The following PRMT8 variants were observed in gnomAD, a reference collection of about 807,000 sequenced individuals.
The protein encoded by PRMT8 is protein arginine methyltransferase 8, also known as protein arginine N-methyltransferase 8.
PRMT8 carries 7 observed loss-of-function variants against 47.1 expected under a neutral mutation model. That is an observed-to-expected ratio of 0.15 (90% CI 0.08 to 0.28). The LOEUF (loss-of-function observed/expected upper bound fraction) is 0.28. Ranked by LOEUF, PRMT8 falls within the 10% of genes least tolerant of loss-of-function variation. The pLI, the probability that PRMT8 is intolerant of heterozygous loss-of-function variation, is 1.00. For synonymous variants in PRMT8, 188 were observed against 186.5 expected (o/e 1.01, Z -0.07); for missense variants, 237 against 505.4 (o/e 0.47, Z 5.09).
intron 1 of PRMT8, among the ~76,000 whole-genome samples, chr12:3,527,868 G>C (rs1865970559): frequency 6.6e-6 from 1 of 152,030 alleles, no homozygotes; most frequent in African/African-American, 2.4e-5. Context: ...GTCTCTAAAA[G>C]ACTTTACTTT....
chr12:3,389,463 T>TTTCC (rs1195675567), intron 1 of PRMT8, among the ~76,000 whole-genome samples: 6 of 152,184 alleles, frequency 3.9e-5, no homozygotes, highest in African/African-American at 9.6e-5. Context: ...TCGCTCATTC[T>TTTCC]TTCCTTCCTT....
rs887960770 is a variant in PRMT8 at position 3,580,718 on chromosome 12, CTGG to C, written c.829-2337_829-2335del. On this transcript the variant is annotated intron_variant, in intron 7 of 9. Coordinates refer to ENST00000382622, the MANE Select transcript of PRMT8 (RefSeq NM_019854.5). The surrounding 1 kb of genome is among the most constrained non-coding windows in gnomAD (Gnocchi z 4.6). ...AGTGAGATTGGAAGGCCATGCTACA[CTGG>C]TGACGGAGGGAACCAAGAAAGAAAG... Among the ~76,000 whole-genome samples, 1 of 152,150 alleles carries C rather than the reference CTGG, an allele frequency of 6.6e-6. No homozygotes were observed. Among genetic ancestry groups the C allele is most frequent in the Non-Finnish European group, 1.5e-5 (1 of 68,030 alleles).
chr12:3,567,857 T>C (rs1866751015), intron 4 of PRMT8, among the ~76,000 whole-genome samples: 1 of 152,106 alleles, frequency 6.6e-6, no homozygotes, highest in Non-Finnish European at 1.5e-5. Context: ...GTAGATCACC[T>C]GAGGTCAGGA....
At chr12:3,394,328 T>C (rs1312192228) in intron 1 of PRMT8, among the ~76,000 whole-genome samples, 1 of 152,238 alleles carries the variant, frequency 6.6e-6, no homozygotes, top group African/African-American at 2.4e-5. Flanking sequence ...GCCCACTCAG[T>C]ATGATATTGG....
chr12:3,445,751 C>T (rs546508865), intron 1 of PRMT8, among the ~76,000 whole-genome samples: 2 of 152,348 alleles, frequency 1.3e-5, no homozygotes, highest in Admixed American at 6.5e-5. Flanking sequence ...AAATACTCTC[C>T]AGTGGCCCCA....
At chr12:3,553,759 G>A in intron 4 of PRMT8, 45 bp downstream of exon 4, 1 of 1,501,700 alleles carries the variant, frequency 6.7e-7, no homozygotes, top group Non-Finnish European at 9.3e-7. Context: ...GAGGGGACGG[G>A]AAGCTCACAC....
intron 1 of PRMT8, among the ~76,000 whole-genome samples, chr12:3,403,954 G>A (rs1278663639): frequency 1.3e-5 from 2 of 149,838 alleles, no homozygotes; most frequent in East Asian, 3.9e-4. Context: ...CTGGTGACAT[G>A]AAAACATATT....
chr12:3,571,422 G>A (rs1866843167), intron 6 of PRMT8, among the ~76,000 whole-genome samples: 1 of 152,164 alleles, frequency 6.6e-6, no homozygotes, highest in East Asian at 1.9e-4. Flanking sequence ...TATTTATTGA[G>A]CTCCAACCCG....
chr12:3,558,961 C>CCTATCTATCTGTCTAT (rs1866580407), intron 4 of PRMT8, among the ~76,000 whole-genome samples: 1 of 149,990 alleles, frequency 6.7e-6, no homozygotes, highest in African/African-American at 2.5e-5. Flanking sequence ...TATCTATCTA[C>CCTATCTATCTGTCTAT]CTATCTATCT....
Position 3,491,503 on chromosome 12 carries a change from T to TC in PRMT8, c.-121dup. 1 of 1,445,742 alleles carries TC rather than the reference T, an allele frequency of 6.9e-7. No individual in the cohort carries two copies. Among genetic ancestry groups the TC allele is most frequent in the East Asian group, 2.5e-5 (1 of 40,286 alleles). The allele number at this position is 1,445,742 out of a possible 1,614,324, so 89.6% of individuals were successfully genotyped here. A position where few individuals can be genotyped will look rare whatever the true frequency, so the allele number is the denominator to read the frequency against. On this transcript the variant is annotated 5_prime_UTR_variant, in exon 1 of 10. Coordinates refer to ENST00000382622, the MANE Select transcript of PRMT8 (RefSeq NM_019854.5). Reference sequence around the variant, plus strand: ...TGTGGCTGACTGTGCCGGCCGACGCTCCAGCTGAGGGGCTGGGTTGGATTT... The same window carrying TC: ...TGTGGCTGACTGTGCCGGCCGACGCTCCCAGCTGAGGGGCTGGGTTGGATTT...
intron 8 of PRMT8, among the ~76,000 whole-genome samples, chr12:3,590,490 C>T (rs1234389767): frequency 6.6e-6 from 1 of 152,150 alleles, no homozygotes; most frequent in East Asian, 1.9e-4. Flanking sequence ...AATCTGCCTT[C>T]TAATCATGCC....
rs924783770 is a variant in PRMT8 at position 3,456,941 on chromosome 12, G to A, written c.48+75499G>A. ...GCTGACGTCCTAGCCGTGTTAAGGG[G>A]GTGGGGGCTCTGGCCTCGCTGACCT... On this transcript the variant is annotated intron_variant, in intron 1 of 9. Transcript: ENST00000452611. The surrounding 1 kb of genome is among the most constrained non-coding windows in gnomAD (Gnocchi z 4.2). 3.3e-5 allele frequency among the ~76,000 whole-genome samples: 5 copies of A among 152,140 alleles called. No individual in the cohort carries two copies. Among genetic ancestry groups the A allele is most frequent in the African/African-American group, 9.7e-5 (4 of 41,422 alleles).
At chr12:3,486,350 A>G (rs1865323542), upstream of PRMT8, among the ~76,000 whole-genome samples, 1 of 152,172 alleles carries the variant, frequency 6.6e-6, no homozygotes, top group African/African-American at 2.4e-5. Context: ...AATCTATTAT[A>G]ACAGTTAGTA....
chr12:3,479,852 GA>G (rs1166681875), intron 1 of PRMT8, among the ~76,000 whole-genome samples: 1 of 75,708 alleles, frequency 1.3e-5, no homozygotes, highest in East Asian at 4.9e-4. Flanking sequence ...TCTACTCTCA[GA>G]TTTTTTTTTT....
chr12:3,434,522 C>T (rs1403970945), intron 1 of PRMT8, among the ~76,000 whole-genome samples: 1 of 152,132 alleles, frequency 6.6e-6, no homozygotes, highest in African/African-American at 2.4e-5. Flanking sequence ...TAAACACACA[C>T]CATAAAATGG....
upstream of PRMT8, among the ~76,000 whole-genome samples, chr12:3,490,862 T>C (rs1202457023): frequency 8.5e-6 from 1 of 118,328 alleles, no homozygotes. Flanking sequence ...GCGGGAGAGC[T>C]GGGGTGGGCC....
chr12:3,386,672 TTCA>T (rs1864141474), intron 1 of PRMT8, among the ~76,000 whole-genome samples: 2 of 152,166 alleles, frequency 1.3e-5, no homozygotes, highest in Non-Finnish European at 2.9e-5. Context: ...CCACACAGTG[TTCA>T]TCAAGGTGTT....
chr12:3,518,647 T>C (rs1268622775), intron 1 of PRMT8, among the ~76,000 whole-genome samples: 1 of 151,992 alleles, frequency 6.6e-6, no homozygotes, highest in Non-Finnish European at 1.5e-5. Flanking sequence ...CCAGATGGGA[T>C]AACAATAACC....
chr12:3,492,109 G>A lies in PRMT8; in HGVS notation c.75+409G>A, dbSNP rs1306532651. On this transcript the variant is annotated intron_variant, in intron 1 of 9. Coordinates refer to ENST00000382622, the MANE Select transcript of PRMT8 (RefSeq NM_019854.5). The surrounding 1 kb of genome is among the most constrained non-coding windows in gnomAD (Gnocchi z 7.5). ...TGCAGAGCTGGGGTGGGTAATCCTG[G>A]GGCCAGGTCTGCCCCCTGCAGTGCC... Among the ~76,000 whole-genome samples, 1 of 151,864 alleles carries A rather than the reference G, an allele frequency of 6.6e-6. No homozygotes were observed. Among genetic ancestry groups the A allele is most frequent in the Non-Finnish European group, 1.5e-5 (1 of 67,956 alleles).
Sources: allele counts gnomAD v4.1 joint callset (sites outside exome capture counted in the v4.1 genomes callset), GRCh38; gene constraint gnomAD v4.1.1; non-coding constraint Gnocchi (gnomAD v3.1); transcripts MANE v1.5; gene names NCBI Gene and HGNC (gene_info 2026-07-23, HGNC 2026-07-21).